Variants in CTNND2 observed in about 807,000 individuals in gnomAD.
CTNND2 encodes the protein catenin delta-2.
In CTNND2, 22 loss-of-function variants were observed where a neutral mutation model predicts 144.4. The ratio of observed to expected loss-of-function variants is 0.15; its 90% CI spans 0.11 to 0.22. The LOEUF is 0.22. Among genes scored for constraint, CTNND2 ranks in the 10% least tolerant of loss-of-function variants. The pLI is 1.00. For synonymous variants in CTNND2, 751 were observed against 695.6 expected (o/e 1.08, Z -1.25); for missense variants, 1,353 against 1,618.8 (o/e 0.84, Z 2.82).
intron 18 of CTNND2, among the ~76,000 whole-genome samples, chr5:11,017,010 C>T (rs1741678887): frequency 6.6e-6 from 1 of 152,014 alleles, no homozygotes; most frequent in South Asian, 2.1e-4. Flanking sequence ...CTCCTGACCT[C>T]AGGTGATCTG....
Position 11,062,092 on chromosome 5 carries a change from T to C in CTNND2, c.2788+20604A>G, listed in dbSNP as rs571946368. On this transcript the variant is annotated intron_variant, in intron 16 of 21. Transcript: ENST00000304623. ...ACTTTGATGTGCTATGACTGGTACA[T>C]AGTAGGCACTCAAAAAATATTGGTC... Among the ~76,000 whole-genome samples the C allele has an allele frequency of 2.0e-5, 3 of 152,316 alleles. No individual in the cohort carries two copies. The South Asian group carries it at 6.2e-4, about 32-fold the overall frequency.
chr5:11,684,216 C>A (rs1338138263), intron 2 of CTNND2, among the ~76,000 whole-genome samples: 1 of 151,960 alleles, frequency 6.6e-6, no homozygotes, highest in African/African-American at 2.4e-5. Context: ...ATTCTCCTGC[C>A]TCAGCCTCCC....
chr5:11,542,619 C>T (rs1028607902), intron 3 of CTNND2, among the ~76,000 whole-genome samples: 1 of 152,090 alleles, frequency 6.6e-6, no homozygotes, highest in African/African-American at 2.4e-5. Context: ...CTTAAGAAGG[C>T]ATATAATCCA....
chr5:11,701,141 A>T (rs1392260724), intron 2 of CTNND2, among the ~76,000 whole-genome samples: 1 of 152,208 alleles, frequency 6.6e-6, no homozygotes, highest in Non-Finnish European at 1.5e-5. Flanking sequence ...TAACAAAATC[A>T]TGGGCCACAG....
chr5:11,704,798 A>G (rs1785618836), intron 2 of CTNND2, among the ~76,000 whole-genome samples: 1 of 151,934 alleles, frequency 6.6e-6, no homozygotes, highest in South Asian at 2.1e-4. Flanking sequence ...AGCTGCCTAC[A>G]TAAAGCATAT....
At chr5:11,599,333 G>A (rs1312190152) in intron 2 of CTNND2, among the ~76,000 whole-genome samples, 1 of 152,150 alleles carries the variant, frequency 6.6e-6, no homozygotes, top group Non-Finnish European at 1.5e-5. Flanking sequence ...GTTAAAGGAG[G>A]AAAGTTAACT....
intron 3 of CTNND2, among the ~76,000 whole-genome samples, chr5:11,513,947 A>G (rs1388425371): frequency 6.6e-6 from 1 of 152,226 alleles, no homozygotes; most frequent in Admixed American, 6.5e-5. Flanking sequence ...ATTTCTATAT[A>G]TTTATAATTT....
intron 15 of CTNND2, among the ~76,000 whole-genome samples, chr5:11,088,496 T>C (rs1300279163): frequency 1.3e-5 from 2 of 152,360 alleles, no homozygotes; most frequent in African/African-American, 4.8e-5. Context: ...AGAAAACTTT[T>C]CATCTACATA....
chr5:11,828,313 T>C (rs1793707735), intron 1 of CTNND2, among the ~76,000 whole-genome samples: 1 of 152,148 alleles, frequency 6.6e-6, no homozygotes, highest in Non-Finnish European at 1.5e-5. Flanking sequence ...GTGGATCACC[T>C]GAGGTCAGGA....
intron 5 of CTNND2, among the ~76,000 whole-genome samples, chr5:11,403,360 T>C (rs1024964404): frequency 6.6e-6 from 1 of 152,222 alleles, no homozygotes; most frequent in African/African-American, 2.4e-5. Context: ...GCTTCATCCA[T>C]GTCCCTGCAA....
chr5:11,704,805 A>G (rs1297398492), intron 2 of CTNND2, among the ~76,000 whole-genome samples: 1 of 151,934 alleles, frequency 6.6e-6, no homozygotes, highest in Non-Finnish European at 1.5e-5. Context: ...TACATAAAGC[A>G]TATTTACTTG....
intron 5 of CTNND2, among the ~76,000 whole-genome samples, 159 bp from the exon 6 acceptor site, chr5:11,397,362 C>T (rs571366252): frequency 2.9e-4 from 44 of 151,782 alleles, no homozygotes; most frequent in African/African-American, 1.0e-3. Context: ...AATTTGACTC[C>T]AGCTCTCAGA....
At chr5:11,836,463 C>G (rs990670482) in intron 1 of CTNND2, among the ~76,000 whole-genome samples, 1 of 151,780 alleles carries the variant, frequency 6.6e-6, no homozygotes, top group Non-Finnish European at 1.5e-5. Flanking sequence ...TTTCATGACA[C>G]TATGGTTCTG....
intron 3 of CTNND2, among the ~76,000 whole-genome samples, chr5:11,532,115 C>T (rs1456208675): frequency 6.6e-6 from 1 of 152,094 alleles, no homozygotes; most frequent in Non-Finnish European, 1.5e-5. Flanking sequence ...TAGAAAGGTG[C>T]AGCCCCTTTG....
At chr5:11,584,355 A>C (rs1421293259) in intron 2 of CTNND2, among the ~76,000 whole-genome samples, 1 of 151,368 alleles carries the variant, frequency 6.6e-6, no homozygotes, top group Non-Finnish European at 1.5e-5. Flanking sequence ...CTTGTACTAA[A>C]ACAATTAGAC....
At chr5:11,644,824 T>C (rs1015737998) in intron 2 of CTNND2, among the ~76,000 whole-genome samples, 1 of 152,174 alleles carries the variant, frequency 6.6e-6, no homozygotes, top group Non-Finnish European at 1.5e-5. Context: ...AGTCAAACTG[T>C]GGATAACTAT....
chr5:11,793,713 TC>T (rs1791256804), intron 1 of CTNND2, among the ~76,000 whole-genome samples: 1 of 152,144 alleles, frequency 6.6e-6, no homozygotes, highest in Non-Finnish European at 1.5e-5. Context: ...ACTTCTGACC[TC>T]CAGAACTGAA....
At chr5:11,163,980 T>C (rs930219836) in intron 11 of CTNND2, among the ~76,000 whole-genome samples, 2 of 152,164 alleles carry the variant, frequency 1.3e-5, no homozygotes, top group African/African-American at 4.8e-5. Flanking sequence ...GAGTCTGAAA[T>C]GGGCTGGCAA....
intron 1 of CTNND2, among the ~76,000 whole-genome samples, chr5:11,776,685 A>G (rs916192832): frequency 1.3e-5 from 2 of 152,212 alleles, no homozygotes; most frequent in African/African-American, 4.8e-5. Flanking sequence ...CACCCAGAAT[A>G]TATCTGATTG....
Sources: gnomAD v4.1 joint callset for allele counts (sites outside exome capture counted in the v4.1 genomes callset) on GRCh38, gnomAD v4.1.1 for gene constraint, MANE v1.5 for transcripts, NCBI Gene and HGNC (gene_info 2026-07-23, HGNC 2026-07-21) for gene names.